Variants in MAGI1 observed in about 807,000 individuals in gnomAD.
The protein encoded by MAGI1 is membrane associated guanylate kinase, WW and PDZ domain containing 1.
MAGI1 carries 58 observed loss-of-function variants against 139.9 expected under a neutral mutation model. The observed-to-expected ratio is 0.41, with a 90% CI of 0.34 to 0.52. The LOEUF (loss-of-function observed/expected upper bound fraction) is 0.52. Among genes scored for constraint, MAGI1 ranks in the 20% least tolerant of loss-of-function variants. MAGI1 has a pLI of 0.12. For synonymous variants in MAGI1, 812 were observed against 737.9 expected, an observed-to-expected ratio of 1.10 and a Z score of -1.63; for missense variants, 1,874 against 1,901.6, an observed-to-expected ratio of 0.99 and a Z score of 0.27.
rs183791112 is a variant in MAGI1 at position 65,657,863 on chromosome 3, C to G, written c.314-35775G>C. On this transcript the variant is annotated intron_variant, in intron 1 of 22. Transcript: ENST00000402939. ...TCTGCTACTGAATAGCCAGATGATA[C>G]TGGGAAGGTCACTTACATTATAGGA... 7.2e-5 allele frequency among the ~76,000 whole-genome samples: 11 copies of G among 152,230 alleles called. No homozygotes were observed. In the East Asian group the frequency reaches 2.1e-3, roughly 29 times the overall value.
At chr3:65,576,651 T>C (rs2081192342) in intron 2 of MAGI1, among the ~76,000 whole-genome samples, 1 of 152,212 alleles carries the variant, frequency 6.6e-6, no homozygotes, top group African/African-American at 2.4e-5. Context: ...TTGTCTTGCA[T>C]TTAAGTAACG....
chr3:65,858,720 T>C (rs1447566533), intron 1 of MAGI1, among the ~76,000 whole-genome samples: 1 of 152,186 alleles, frequency 6.6e-6, no homozygotes, highest in East Asian at 1.9e-4. Context: ...TCTAATTATC[T>C]CTGCAAAAAA....
At chr3:65,611,975 A>G (rs112940148) in intron 2 of MAGI1, among the ~76,000 whole-genome samples, 18 of 152,090 alleles carry the variant, frequency 1.2e-4, no homozygotes, top group African/African-American at 4.3e-4. Context: ...CTTAGCATAA[A>G]CTTGGTATTC....
intron 2 of MAGI1, among the ~76,000 whole-genome samples, chr3:65,530,247 C>G (rs1315784546): frequency 6.6e-6 from 1 of 152,042 alleles, no homozygotes; most frequent in Non-Finnish European, 1.5e-5. Flanking sequence ...TAATGTCATC[C>G]ATGTCACTGA....
chr3:65,573,545 AT>A (rs142698205), intron 2 of MAGI1, among the ~76,000 whole-genome samples: 14,208 of 150,796 alleles, frequency 0.094, 847 homozygotes, highest in East Asian at 0.16. Flanking sequence ...TGATTTAAAA[AT>A]AAAAAAAAAA....
chr3:65,535,540 A>T (rs2078924176), intron 2 of MAGI1, among the ~76,000 whole-genome samples: 1 of 152,172 alleles, frequency 6.6e-6, no homozygotes, highest in Admixed American at 6.5e-5. Context: ...TTTCTGTAAG[A>T]ATTCAGGCAT....
At chr3:65,440,904 G>GTA (rs200311050) in intron 8 of MAGI1, among the ~76,000 whole-genome samples, 7 of 142,526 alleles carry the variant, frequency 4.9e-5, no homozygotes, top group South Asian at 2.2e-4. Flanking sequence ...ACATATGTGT[G>GTA]TATATATATA....
At chr3:65,504,569 A>G (rs2077204366) in intron 2 of MAGI1, among the ~76,000 whole-genome samples, 1 of 152,170 alleles carries the variant, frequency 6.6e-6, no homozygotes, top group South Asian at 2.1e-4. Context: ...GTGGGAGGAT[A>G]AACTAGTGGA....
intron 1 of MAGI1, among the ~76,000 whole-genome samples, chr3:65,847,010 T>C (rs564442705): frequency 9.5e-5 from 13 of 136,312 alleles, no homozygotes; most frequent in African/African-American, 3.7e-4. Context: ...TAAGCACATT[T>C]GTTTATACCA....
chr3:65,423,352 T>C (rs1465549937), intron 12 of MAGI1, among the ~76,000 whole-genome samples: 1 of 151,630 alleles, frequency 6.6e-6, no homozygotes, highest in Non-Finnish European at 1.5e-5. Context: ...TTTTGTATCA[T>C]TTCAGAAAAA....
intron 2 of MAGI1, among the ~76,000 whole-genome samples, chr3:65,501,437 T>C (rs901198726): frequency 5.6e-5 from 6 of 107,116 alleles, no homozygotes; most frequent in Admixed American, 2.9e-4. Context: ...GTGGGCAACA[T>C]AGCGAGACTC....
At chr3:65,865,989 A>C (rs7617634) in intron 1 of MAGI1, among the ~76,000 whole-genome samples, 25,142 of 152,182 alleles carry the variant, frequency 0.17, 2,694 homozygotes, top group East Asian at 0.38. Context: ...ACATGGAATG[A>C]TGTTCATAAC....
chr3:66,018,187 T>G (rs963923934), intron 1 of MAGI1, among the ~76,000 whole-genome samples: 6 of 148,130 alleles, frequency 4.1e-5, no homozygotes, highest in African/African-American at 1.2e-4. Context: ...CAAAATACCT[T>G]TAACCTCCAC....
intron 1 of MAGI1, among the ~76,000 whole-genome samples, chr3:65,703,395 TA>T (rs144347801): frequency 0.16 from 24,696 of 151,722 alleles, 2,140 homozygotes; most frequent in Non-Finnish European, 0.19. Flanking sequence ...AAAGACCCAA[TA>T]AAAAAAAATT....
intron 5 of MAGI1, among the ~76,000 whole-genome samples, chr3:65,460,435 CT>C (rs1249088686): frequency 2.0e-5 from 3 of 151,262 alleles, no homozygotes; most frequent in Non-Finnish European, 4.4e-5. Flanking sequence ...TTCAATATTC[CT>C]TTTTCAGGAG....
chr3:65,439,776 G>A (rs1948124475), intron 9 of MAGI1, 103 bp downstream of exon 9: 1 of 1,576,476 alleles, frequency 6.3e-7, no homozygotes, highest in Non-Finnish European at 8.6e-7. Flanking sequence ...GGCAAGAGAG[G>A]ACTCAATCAT....
chr3:65,652,857 C>T (rs372420808), intron 1 of MAGI1, among the ~76,000 whole-genome samples: 11 of 152,184 alleles, frequency 7.2e-5, no homozygotes, highest in East Asian at 1.9e-4. Flanking sequence ...CACCAATGAC[C>T]GGAATTATTA....
intron 1 of MAGI1, among the ~76,000 whole-genome samples, chr3:65,952,652 A>C (rs1020975310): frequency 3.9e-5 from 6 of 152,110 alleles, no homozygotes; most frequent in Admixed American, 1.3e-4. Context: ...ATCTCTACTA[A>C]AGATACAAAA....
intron 1 of MAGI1, among the ~76,000 whole-genome samples, chr3:65,977,726 T>G (rs1254531366): frequency 7.3e-6 from 1 of 137,472 alleles, no homozygotes; most frequent in East Asian, 2.1e-4. Flanking sequence ...CACTACCAAA[T>G]AAAAAAAAAA....
Sources: gnomAD v4.1 joint callset for allele counts (sites outside exome capture counted in the v4.1 genomes callset) on GRCh38, gnomAD v4.1.1 for gene constraint, MANE v1.5 for transcripts, NCBI Gene and HGNC (gene_info 2026-07-23, HGNC 2026-07-21) for gene names.